The following R3HCC1L variants were observed in gnomAD, a reference collection of about 807,000 sequenced individuals.
R3HCC1L encodes the protein coiled-coil domain-containing protein R3HCC1L.
A neutral mutation model predicts 59.9 loss-of-function variants in R3HCC1L; 51 were observed. The observed-to-expected ratio is 0.85, with a 90% CI of 0.68 to 1.07. The LOEUF is 1.07. Ranked by LOEUF, R3HCC1L falls within the 50% of genes least tolerant of loss-of-function variation. R3HCC1L has a pLI of 0.00. For synonymous variants in R3HCC1L, 322 were observed against 315.2 expected (o/e 1.02, Z -0.23); for missense variants, 965 against 933.0 (o/e 1.03, Z -0.45).
chr10:98,184,343 C>G (rs2134663128), intron 4 of R3HCC1L, among the ~76,000 whole-genome samples: 1 of 152,194 alleles, frequency 6.6e-6, no homozygotes, highest in Non-Finnish European at 1.5e-5. Context: ...TGATGATGGT[C>G]CCCTAAGATT....
intron 2 of R3HCC1L, among the ~76,000 whole-genome samples, chr10:98,156,539 AT>A (rs1846900489): frequency 6.6e-6 from 1 of 152,212 alleles, no homozygotes; most frequent in South Asian, 2.1e-4. Flanking sequence ...ACTATCTAAA[AT>A]ATCTAATGGG....
chr10:98,143,073 AT>A (rs1175182736), intron 1 of R3HCC1L, among the ~76,000 whole-genome samples: 1 of 152,192 alleles, frequency 6.6e-6, no homozygotes, highest in Admixed American at 6.5e-5. Flanking sequence ...AAATCTGAAA[AT>A]TTCTGATTTC....
In R3HCC1L at chr10:98,209,232, A is replaced by G. The variant is rs143741446; in HGVS notation, c.1118A>G (p.Asn373Ser). The change falls in exon 5 of 10, where the codon AAT (asparagine) becomes AGT (serine). Residue 373 changes from asparagine (N) to serine (S), a missense_variant. Transcript: ENST00000298999. The stretch of plus-strand genomic sequence containing the variant: ...TTTAAGAATGTAGGTGACATTACCA[A>G]TAAAGCATGTATGATGGACACTACA... ...SGFKNVGDIT[N>S]KACMMDTTGM... 2.6e-3 allele frequency: 4,228 copies of G among 1,613,878 alleles called. 5 individuals are homozygous for G. The highest frequency in any genetic ancestry group is 3.3e-3 in the Non-Finnish European group (3,939 of 1,179,980).
intron 4 of R3HCC1L, among the ~76,000 whole-genome samples, chr10:98,188,935 G>A (rs941869052): frequency 6.6e-6 from 1 of 152,102 alleles, no homozygotes; most frequent in Admixed American, 6.6e-5. Context: ...ACTTCATAGG[G>A]TTGTTGGGAG....
chr10:98,231,104 A>G, intron 5 of R3HCC1L: 2 of 388,182 alleles, frequency 5.2e-6, no homozygotes, highest in Non-Finnish European at 1.0e-5. Context: ...CACTTCCAGA[A>G]AAGAAACTAT....
At chr10:98,235,039 T>G (rs1257638380) in intron 7 of R3HCC1L, among the ~76,000 whole-genome samples, 1 of 152,168 alleles carries the variant, frequency 6.6e-6, no homozygotes, top group African/African-American at 2.4e-5. Flanking sequence ...TCTGCAAAAT[T>G]ATTCTATAAA....
Position 98,208,021 on chromosome 10 carries a change from TC to T in R3HCC1L, c.-14-77del, listed in dbSNP as rs1221528045. The T allele has an allele frequency of 1.1e-5, 15 of 1,311,500 alleles. No individual in the cohort carries two copies. In the African/African-American group the frequency reaches 1.9e-4, roughly 17 times the overall value. 81.2% of individuals were successfully genotyped at this position (1,311,500 alleles called of 1,614,324 possible). Reference sequence around the variant, plus strand: ...GCCTGGGTGACAGTGTGAGACTCTGTCCCAAAAAGAAAAAAGAAAATATTTT... The same window carrying T: ...GCCTGGGTGACAGTGTGAGACTCTGTCCAAAAAGAAAAAAGAAAATATTTT... On this transcript the variant is annotated intron_variant, in intron 4 of 9. Transcript: ENST00000298999.
At chr10:98,160,471 G>T (rs1412257276) in intron 2 of R3HCC1L, among the ~76,000 whole-genome samples, 1 of 152,112 alleles carries the variant, frequency 6.6e-6, no homozygotes, top group Non-Finnish European at 1.5e-5. Context: ...CTTTAATGTG[G>T]CTACTAGAAA....
At position 98,203,679 on chromosome 10, in the gene R3HCC1L, G is replaced by A. The variant is rs566053958; in HGVS notation, c.-14-4422G>A. Among the ~76,000 whole-genome samples, 22 of 152,294 alleles carry A rather than the reference G, an allele frequency of 1.4e-4. No individual in the cohort carries two copies. The South Asian group carries it at 3.3e-3, about 23-fold the overall frequency. On this transcript the variant is annotated intron_variant, in intron 4 of 9. Coordinates refer to ENST00000298999, the MANE Select transcript of R3HCC1L (RefSeq NM_001351015.2). ...AGATACCAAATATGGGACAAAAAGC[G>A]TTGATGTTCTGTTGTGAAAATATGA...
intron 6 of R3HCC1L, among the ~76,000 whole-genome samples, chr10:98,234,048 G>T (rs1208606081): frequency 6.6e-6 from 1 of 151,840 alleles, no homozygotes; most frequent in East Asian, 1.9e-4. Context: ...TTAAATCCAG[G>T]TGACCTTCCC....
chr10:98,137,488 G>A (rs2133818905), intron 1 of R3HCC1L, among the ~76,000 whole-genome samples: 1 of 152,252 alleles, frequency 6.6e-6, no homozygotes, highest in East Asian at 1.9e-4. Context: ...ATAATTTTAG[G>A]TATTTTCCTG....
chr10:98,242,621 T>C (rs185724698), intron 9 of R3HCC1L, among the ~76,000 whole-genome samples: 150 of 152,358 alleles, frequency 9.8e-4, no homozygotes, highest in Non-Finnish European at 1.7e-3. Context: ...ATGGGCCTGT[T>C]ATATTTTTCT....
At position 98,244,517 on chromosome 10, in the gene R3HCC1L, A is replaced by G. The variant is rs113130891; in HGVS notation, c.*359A>G. ...AGAACAGAGGATTCAAACCGCAAGT[A>G]TGGGAGATTTAGGCCCTGCAGAGGC... On this transcript the variant is annotated 3_prime_UTR_variant, in exon 10 of 10. Coordinates refer to ENST00000298999, the MANE Select transcript of R3HCC1L (RefSeq NM_001351015.2). The G allele has an allele frequency of 2.9e-4, 58 of 200,450 alleles. No individual in the cohort carries two copies. The highest frequency in any genetic ancestry group is 1.3e-3 in the African/African-American group (55 of 43,586). 12.4% of individuals were successfully genotyped at this position (200,450 alleles called of 1,614,324 possible).
At chr10:98,235,611 T>TA in intron 8 of R3HCC1L, 91 bp downstream of exon 8, 1 of 917,160 alleles carries the variant, frequency 1.1e-6, no homozygotes, top group Non-Finnish European at 1.6e-6. Flanking sequence ...TCTAAAGACA[T>TA]ATCACTTTTA....
chr10:98,196,667 C>A (rs1461894013), intron 4 of R3HCC1L, among the ~76,000 whole-genome samples: 2 of 152,190 alleles, frequency 1.3e-5, no homozygotes, highest in Non-Finnish European at 1.5e-5. Flanking sequence ...TATGATTAAT[C>A]TGACCACTTC....
chr10:98,179,003 C>T (rs976765689), intron 4 of R3HCC1L, among the ~76,000 whole-genome samples: 2 of 152,178 alleles, frequency 1.3e-5, no homozygotes, highest in African/African-American at 4.8e-5. Flanking sequence ...ATCATGTCAT[C>T]TGCATCAGGG....
chr10:98,157,888 C>A (rs1847036053), intron 2 of R3HCC1L, among the ~76,000 whole-genome samples: 1 of 152,064 alleles, frequency 6.6e-6, no homozygotes, highest in Non-Finnish European at 1.5e-5. Flanking sequence ...TATTATACTT[C>A]TGATATGTGA....
At chr10:98,159,519 G>A (rs1371970318) in intron 2 of R3HCC1L, among the ~76,000 whole-genome samples, 1 of 152,048 alleles carries the variant, frequency 6.6e-6, no homozygotes, top group Non-Finnish European at 1.5e-5. Context: ...ACTAATTTTA[G>A]TATCCATTTG....
chr10:98,227,507 A>G (rs867623165), intron 5 of R3HCC1L, among the ~76,000 whole-genome samples: 17 of 151,926 alleles, frequency 1.1e-4, no homozygotes, highest in African/African-American at 3.4e-4. Context: ...ACTTTTGATT[A>G]ACAGAGAGAG....
Sources: allele counts gnomAD v4.1 joint callset (sites outside exome capture counted in the v4.1 genomes callset), GRCh38; gene constraint gnomAD v4.1.1; transcripts MANE v1.5; gene names NCBI Gene and HGNC (gene_info 2026-07-23, HGNC 2026-07-21).